TMEM71: variants seen among roughly 807,000 people sequenced by gnomAD.
TMEM71 encodes the protein transmembrane protein 71.
In TMEM71, 44 loss-of-function variants were observed where a neutral mutation model predicts 38.0. The observed-to-expected ratio is 1.16, with a 90% confidence interval of 0.91 to 1.49. The LOEUF (loss-of-function observed/expected upper bound fraction) is 1.49. Among genes scored for constraint, TMEM71 ranks in the 40% most tolerant of loss-of-function variants. TMEM71 has a pLI of 0.00. For synonymous variants in TMEM71, 133 were observed against 122.5 expected, an observed-to-expected ratio of 1.09 and a Z score of -0.56; for missense variants, 367 against 348.6, an observed-to-expected ratio of 1.05 and a Z score of -0.42.
At chr8:132,775,823 C>T in the TMEM71 span, among the ~76,000 whole-genome samples, 8 of 152,286 alleles carry the variant, frequency 5.3e-5, no homozygotes, top group East Asian at 5.8e-4. Context: ...CCTTACCCCC[C>T]TGCGGAGGGC....
downstream of TMEM71, among the ~76,000 whole-genome samples, chr8:132,707,889 G>A (rs1330500779): frequency 6.6e-6 from 1 of 152,064 alleles, no homozygotes; most frequent in Non-Finnish European, 1.5e-5. Flanking sequence ...ACATAAACAT[G>A]ACATTTAATA....
chr8:132,725,982 T>G (rs1180364761), intron 6 of TMEM71, among the ~76,000 whole-genome samples: 1 of 152,228 alleles, frequency 6.6e-6, no homozygotes, highest in African/African-American at 2.4e-5. Context: ...GTAGCACACT[T>G]ATTAATTGGT....
intron 5 of TMEM71, among the ~76,000 whole-genome samples, chr8:132,739,422 C>T (rs1827921402): frequency 6.6e-6 from 1 of 152,214 alleles, no homozygotes; most frequent in Non-Finnish European, 1.5e-5. Flanking sequence ...CGCCATTCTC[C>T]TGCCTCAGCT....
chr8:132,772,741 C>A, the TMEM71 span, among the ~76,000 whole-genome samples: 3 of 152,122 alleles, frequency 2.0e-5, no homozygotes, highest in Admixed American at 2.0e-4. Flanking sequence ...TCATAAAAAT[C>A]ATATATATTT....
At chr8:132,714,528 A>G (rs1430434678) in intron 7 of TMEM71, among the ~76,000 whole-genome samples, 1 of 152,188 alleles carries the variant, frequency 6.6e-6, no homozygotes, top group Non-Finnish European at 1.5e-5. Context: ...GAACCTCCAC[A>G]TGTATAACAT....
At chr8:132,769,223 C>T in the TMEM71 span, among the ~76,000 whole-genome samples, 1 of 152,204 alleles carries the variant, frequency 6.6e-6, no homozygotes, top group African/African-American at 2.4e-5. Context: ...ACTCATCCTT[C>T]AAAGCATATT....
chr8:132,741,037 C>CTCA (rs1280665697), intron 5 of TMEM71, among the ~76,000 whole-genome samples: 2 of 152,188 alleles, frequency 1.3e-5, no homozygotes, highest in Non-Finnish European at 2.9e-5. Context: ...ATCATCCTAG[C>CTCA]TCATCTCTGC....
At chr8:132,752,162 C>A (rs1275844713) in intron 3 of TMEM71, among the ~76,000 whole-genome samples, 165 bp from the exon 4 acceptor site, 2 of 152,226 alleles carry the variant, frequency 1.3e-5, no homozygotes, top group African/African-American at 4.8e-5. Context: ...GGCTTCATCT[C>A]CTCACCTATG....
chr8:132,752,024 A>C (rs1350545176), intron 3 of TMEM71, 27 bp from the exon 4 acceptor site: 6 of 1,588,170 alleles, frequency 3.8e-6, no homozygotes, highest in Non-Finnish European at 5.2e-6. Flanking sequence ...AACGCACTTT[A>C]AATCTCTATT....
At chr8:132,722,800 A>G (rs879487266) in intron 6 of TMEM71, among the ~76,000 whole-genome samples, 1 of 152,268 alleles carries the variant, frequency 6.6e-6, no homozygotes, top group Non-Finnish European at 1.5e-5. Context: ...AATCAGTACA[A>G]TATTTCAGTA....
At chr8:132,730,121 G>C (rs572030589) in intron 5 of TMEM71, among the ~76,000 whole-genome samples, 11 of 152,222 alleles carry the variant, frequency 7.2e-5, no homozygotes, top group African/African-American at 2.4e-4. Context: ...ACCATGCCCA[G>C]CTAATTTTGT....
intron 9 of TMEM71, among the ~76,000 whole-genome samples, chr8:132,713,364 A>C (rs1826337151): frequency 6.6e-6 from 1 of 152,100 alleles, no homozygotes; most frequent in Non-Finnish European, 1.5e-5. Flanking sequence ...GTGATTTCAG[A>C]ATTAGCGCAG....
chr8:132,751,116 C>T (rs1435316458), intron 4 of TMEM71, among the ~76,000 whole-genome samples: 7 of 152,158 alleles, frequency 4.6e-5, no homozygotes, highest in Admixed American at 3.9e-4. Flanking sequence ...AATGCCTGCT[C>T]CCTCTTTATC....
chr8:132,762,209 T>A (rs1387941157), upstream of TMEM71, among the ~76,000 whole-genome samples: 1 of 152,244 alleles, frequency 6.6e-6, no homozygotes, highest in Non-Finnish European at 1.5e-5. Flanking sequence ...ATAGTCACAT[T>A]TACTCAAGGC....
In TMEM71 at chr8:132,757,246, C is replaced by A; in HGVS notation, c.89G>T (p.Cys30Phe). The change falls in exon 3 of 10, where the codon TGC becomes TTC. Residue 30 changes from cysteine to phenylalanine, a missense_variant. Physicochemically the swap from Cys to Phe is radical, Grantham distance 205. Transcript: ENST00000677595. ...REYAGELSPT[C>F]IFPSFTCDSL... ...CCCCATAGTATACCTTGGGAAAATG[C>A]ACGTGGGAGACAGCTCTCCAGCATA... 6.2e-7 allele frequency: 1 copy of A among 1,610,008 alleles called. No homozygotes were observed. Among genetic ancestry groups the A allele is most frequent in the African/African-American group, 1.3e-5 (1 of 74,896 alleles).
intron 5 of TMEM71, among the ~76,000 whole-genome samples, chr8:132,746,479 A>G (rs1453366040): frequency 2.2e-4 from 3 of 13,754 alleles, no homozygotes; most frequent in East Asian, 3.1e-3. Context: ...ATATATACAT[A>G]TATATATACA....
intron 5 of TMEM71, among the ~76,000 whole-genome samples, chr8:132,730,927 C>A (rs1827421142): frequency 6.6e-6 from 1 of 151,758 alleles, no homozygotes. Context: ...ACACATGAGT[C>A]AACAGTGGGA....
At position 132,714,142 on chromosome 8, in the gene TMEM71, A is replaced by G. The variant is rs772388856; in HGVS notation, c.814+12T>C. The G allele has an allele frequency of 1.7e-5, 28 of 1,611,626 alleles. No individual in the cohort carries two copies. Among genetic ancestry groups the G allele is most frequent in the Non-Finnish European group, 2.1e-5 (25 of 1,177,980 alleles). ...AGGCATCATTGCAGTAATCTGGGAA[A>G]CAGTTACTTACAAGCTACAGTTATC... On this transcript the variant is annotated intron_variant, in intron 8 of 9. Coordinates refer to ENST00000677595, the MANE Select transcript of TMEM71 (RefSeq NM_001382403.1).
intron 5 of TMEM71, among the ~76,000 whole-genome samples, chr8:132,730,161 T>C (rs1827375661): frequency 6.6e-6 from 1 of 152,168 alleles, no homozygotes; most frequent in Non-Finnish European, 1.5e-5. Context: ...TTTCTCCATG[T>C]TGGTCAGACT....
Sources: allele counts gnomAD v4.1 joint callset (sites outside exome capture counted in the v4.1 genomes callset), GRCh38; gene constraint gnomAD v4.1.1; transcripts MANE v1.5; gene names NCBI Gene and HGNC (gene_info 2026-07-23, HGNC 2026-07-21).